PCDH15: variants seen among roughly 807,000 people sequenced by gnomAD.
PCDH15 encodes protocadherin related 15, also known as protocadherin-15.
In PCDH15, 129 loss-of-function variants were observed where a neutral mutation model predicts 178.5. The observed-to-expected ratio is 0.72, with a 90% CI of 0.63 to 0.84. The LOEUF (loss-of-function observed/expected upper bound fraction) is 0.84, where lower values mean the gene tolerates loss of function less well. Among genes scored for constraint, PCDH15 ranks in the 40% least tolerant of loss-of-function variants. The pLI, the probability that PCDH15 is intolerant of heterozygous loss-of-function variation, is 0.00. For missense variants in PCDH15, 2,230 were observed against 2,099.9 expected, an observed-to-expected ratio of 1.06 and a Z score of -1.21; for synonymous variants, 800 against 732.0, an observed-to-expected ratio of 1.09 and a Z score of -1.50.
intron 13 of PCDH15, among the ~76,000 whole-genome samples, chr10:54,161,610 G>A (rs1186571058): frequency 8.9e-6 from 1 of 112,176 alleles, no homozygotes; most frequent in Non-Finnish European, 1.7e-5. Flanking sequence ...ACCATACCCT[G>A]TCTTGAAGCT....
chr10:55,073,488 C>T (rs963723244), intron 2 of PCDH15, among the ~76,000 whole-genome samples: 1 of 152,126 alleles, frequency 6.6e-6, no homozygotes, highest in African/African-American at 2.4e-5. Flanking sequence ...CATGAGTGAA[C>T]TCCCATTCAC....
chr10:55,334,242 A>ATATATG (rs1291195941), intron 2 of PCDH15, among the ~76,000 whole-genome samples: 749 of 72,128 alleles, frequency 0.01, 13 homozygotes, highest in Non-Finnish European at 0.013. Context: ...ATATATATAT[A>ATATATG]TGTGTGTGTG....
chr10:55,316,986 A>AT (rs1843737653), intron 1 of PCDH15, among the ~76,000 whole-genome samples: 3 of 152,094 alleles, frequency 2.0e-5, no homozygotes, highest in Non-Finnish European at 4.4e-5. Flanking sequence ...TAGCATCTTT[A>AT]CCCATATAAA....
chr10:54,068,767 A>T (rs1017034558), intron 17 of PCDH15, among the ~76,000 whole-genome samples: 1 of 152,162 alleles, frequency 6.6e-6, no homozygotes, highest in African/African-American at 2.4e-5. Context: ...GTTTTTTGTT[A>T]TGAGTAGTGG....
intron 3 of PCDH15, among the ~76,000 whole-genome samples, chr10:54,824,672 G>T (rs939904348): frequency 3.9e-5 from 6 of 152,198 alleles, no homozygotes; most frequent in Middle Eastern, 6.8e-3. Context: ...GCATTCCCCA[G>T]AAGCCTGGAT....
intron 15 of PCDH15, among the ~76,000 whole-genome samples, chr10:54,093,223 TGAGGTTATGCCCATATTG>T (rs2094632024): frequency 6.6e-6 from 1 of 152,166 alleles, no homozygotes; most frequent in South Asian, 2.1e-4. Context: ...CATTCTTATG[TGAGGTTATGCCCATATTG>T]GAAACTTTGA....
At chr10:54,430,361 C>T (rs770116988) in intron 3 of PCDH15, among the ~76,000 whole-genome samples, 33 of 152,084 alleles carry the variant, frequency 2.2e-4, no homozygotes, top group Middle Eastern at 6.8e-3. Flanking sequence ...GGCCAAAATA[C>T]ACATTTTTCT....
intron 2 of PCDH15, among the ~76,000 whole-genome samples, chr10:55,126,583 G>A (rs1837906006): frequency 6.6e-6 from 1 of 151,874 alleles, no homozygotes; most frequent in Non-Finnish European, 1.5e-5. Flanking sequence ...AGTTGACTCT[G>A]AATTACAAGA....
At chr10:55,432,084 C>CACACACACAA (rs1838894098) in intron 2 of PCDH15, among the ~76,000 whole-genome samples, 1 of 58,802 alleles carries the variant, frequency 1.7e-5, no homozygotes, top group Non-Finnish European at 3.1e-5. Context: ...ATCATTTAAA[C>CACACACACAA]ACACACACAC....
intron 3 of PCDH15, among the ~76,000 whole-genome samples, chr10:54,519,797 A>G (rs1173627694): frequency 6.6e-6 from 1 of 152,182 alleles, no homozygotes; most frequent in Non-Finnish European, 1.5e-5. Flanking sequence ...GCATCACGCT[A>G]CCTGACTTCA....
At chr10:53,901,702 C>A (rs191291032) in intron 26 of PCDH15, among the ~76,000 whole-genome samples, 1 of 152,144 alleles carries the variant, frequency 6.6e-6, no homozygotes, top group African/African-American at 2.4e-5. Flanking sequence ...CTTTTTCATT[C>A]ACACTAGCCT....
intron 2 of PCDH15, chr10:55,513,266 G>A (rs935843996): frequency 2.0e-5 from 3 of 152,104 alleles, no homozygotes; most frequent in African/African-American, 7.2e-5. Flanking sequence ...GGTGTATGTA[G>A]TGTGTCCCTG....
At chr10:55,318,117 A>G (rs1012828861) in intron 1 of PCDH15, among the ~76,000 whole-genome samples, 1 of 152,160 alleles carries the variant, frequency 6.6e-6, no homozygotes, top group African/African-American at 2.4e-5. Flanking sequence ...CTGATGGAGC[A>G]AAATAAAAAC....
chr10:54,249,799 T>A (rs892112110), intron 8 of PCDH15, among the ~76,000 whole-genome samples: 3 of 152,168 alleles, frequency 2.0e-5, no homozygotes, highest in Non-Finnish European at 4.4e-5. Flanking sequence ...CATCAAGAAA[T>A]TGAATAGTAA....
chr10:54,607,778 C>A (rs2092806469), intron 2 of PCDH15: 6 of 479,604 alleles, frequency 1.3e-5, no homozygotes, highest in Admixed American at 1.2e-4. Flanking sequence ...CTTTTACTGT[C>A]TACTACAAAG....
chr10:53,880,604 TAAAAAAAC>T (rs2080636093), intron 26 of PCDH15, among the ~76,000 whole-genome samples: 1 of 151,306 alleles, frequency 6.6e-6, no homozygotes, highest in African/African-American at 2.4e-5. Context: ...CAAAAATTTT[TAAAAAAAC>T]CTTTCTTATT....
chr10:54,398,494 G>T (rs1951525405), intron 3 of PCDH15, among the ~76,000 whole-genome samples: 2 of 151,830 alleles, frequency 1.3e-5, no homozygotes, highest in Admixed American at 1.3e-4. Flanking sequence ...ATTAGAGTTT[G>T]GTTACAAAAT....
At chr10:55,430,429 A>G (rs1446127125) in intron 2 of PCDH15, among the ~76,000 whole-genome samples, 1 of 152,168 alleles carries the variant, frequency 6.6e-6, no homozygotes, top group Non-Finnish European at 1.5e-5. Flanking sequence ...TTATGTTTTG[A>G]TATATTTTGA....
intron 15 of PCDH15, among the ~76,000 whole-genome samples, chr10:54,123,135 G>A (rs1020061499): frequency 2.6e-5 from 4 of 151,938 alleles, no homozygotes; most frequent in Non-Finnish European, 2.9e-5. Context: ...TTAAGTCCTC[G>A]AAAGCAATTG....
Sources: gnomAD v4.1 joint callset for allele counts (sites outside exome capture counted in the v4.1 genomes callset) on GRCh38, gnomAD v4.1.1 for gene constraint, MANE v1.5 for transcripts, NCBI Gene and HGNC (gene_info 2026-07-23, HGNC 2026-07-21) for gene names.